The following RBFOX1 variants were observed in gnomAD, a reference collection of about 807,000 sequenced individuals.
The protein encoded by RBFOX1 is RNA binding fox-1 homolog 1, also known as RNA binding protein fox-1 homolog 1.
Under a neutral mutation model 57.7 loss-of-function variants are expected in RBFOX1, and 8 were observed. The ratio of observed to expected loss-of-function variants is 0.14; its 90% CI spans 0.08 to 0.25. The LOEUF (loss-of-function observed/expected upper bound fraction) is 0.25. Ranked by LOEUF, RBFOX1 falls within the 10% of genes least tolerant of loss-of-function variation. RBFOX1 has a pLI of 1.00. For missense variants in RBFOX1, 611 were observed against 548.5 expected, an observed-to-expected ratio of 1.11 and a Z score of -1.14; for synonymous variants, 326 against 222.4, an observed-to-expected ratio of 1.47 and a Z score of -4.15.
chr16:5,460,571 C>G, intron 1 of RBFOX1, among the ~76,000 whole-genome samples: 1 of 152,208 alleles, frequency 6.6e-6, no homozygotes, highest in East Asian at 1.9e-4. Flanking sequence ...TTGTAAAGGA[C>G]TCTTCCCAGA....
intron 2 of RBFOX1, among the ~76,000 whole-genome samples, chr16:5,470,914 C>A (rs558527136): frequency 2.0e-5 from 3 of 152,084 alleles, no homozygotes; most frequent in Admixed American, 2.0e-4. Context: ...TACAGTGGTG[C>A]GATCTCAGCT....
At chr16:7,613,567 TA>T (rs937242666) in intron 10 of RBFOX1, among the ~76,000 whole-genome samples, 1 of 152,148 alleles carries the variant, frequency 6.6e-6, no homozygotes, top group African/African-American at 2.4e-5. Flanking sequence ...AGGGTGGTTA[TA>T]ACACTCTTTG....
chr16:6,799,743 C>A (rs7196625), intron 3 of RBFOX1, among the ~76,000 whole-genome samples: 77,899 of 151,908 alleles, frequency 0.51, 20,177 homozygotes, highest in Non-Finnish European at 0.53. Flanking sequence ...TTGCCCTTGA[C>A]CATCAGCCTC....
intron 14 of RBFOX1, among the ~76,000 whole-genome samples, chr16:7,704,189 C>T (rs1052424119): frequency 6.6e-6 from 1 of 152,170 alleles, no homozygotes; most frequent in Non-Finnish European, 1.5e-5. Flanking sequence ...CCTGAATCTC[C>T]AAGCCCTCGG....
intron 1 of RBFOX1, among the ~76,000 whole-genome samples, chr16:6,088,091 G>T (rs1179522135): frequency 6.6e-6 from 1 of 152,142 alleles, no homozygotes; most frequent in Non-Finnish European, 1.5e-5. Context: ...AGAGAGAAGA[G>T]GTTCACCGTC....
chr16:7,131,377 AAAG>A (rs1208763612), intron 4 of RBFOX1, among the ~76,000 whole-genome samples: 1 of 148,338 alleles, frequency 6.7e-6, no homozygotes, highest in African/African-American at 2.5e-5. Flanking sequence ...AAAAAAAAAA[AAAG>A]AATCATAGGT....
chr16:5,388,089 G>T (rs536296978), intron 1 of RBFOX1, among the ~76,000 whole-genome samples: 1 of 152,302 alleles, frequency 6.6e-6, no homozygotes, highest in South Asian at 2.1e-4. Context: ...CTGACACCTT[G>T]ATTATGGCTC....
At chr16:6,575,302 C>A (rs1332852530) in intron 2 of RBFOX1, among the ~76,000 whole-genome samples, 1 of 152,004 alleles carries the variant, frequency 6.6e-6, no homozygotes, top group Non-Finnish European at 1.5e-5. Flanking sequence ...GTTGTTTGGT[C>A]CTTGTATATT....
chr16:6,219,765 A>G (rs1238711680), intron 1 of RBFOX1, among the ~76,000 whole-genome samples: 1 of 152,090 alleles, frequency 6.6e-6, no homozygotes, highest in Non-Finnish European at 1.5e-5. Context: ...AATCCCAGCT[A>G]CTCAGGAGGC....
chr16:5,416,985 C>G (rs921771068), intron 1 of RBFOX1, among the ~76,000 whole-genome samples: 1 of 152,096 alleles, frequency 6.6e-6, no homozygotes, highest in African/African-American at 2.4e-5. Flanking sequence ...GTGTAAAACC[C>G]AGCCCGCTGA....
chr16:7,435,406 G>A (rs756962556), intron 4 of RBFOX1, among the ~76,000 whole-genome samples: 3 of 151,846 alleles, frequency 2.0e-5, no homozygotes, highest in South Asian at 2.1e-4. Context: ...ATGACTTATC[G>A]CTGTTGATGT....
At chr16:7,389,720 C>T (rs1240667437) in intron 4 of RBFOX1, among the ~76,000 whole-genome samples, 1 of 152,074 alleles carries the variant, frequency 6.6e-6, no homozygotes, top group Non-Finnish European at 1.5e-5. Flanking sequence ...CTTGGTTAGG[C>T]CATGGTATTA....
At chr16:6,614,282 C>G (rs539145240) in intron 2 of RBFOX1, among the ~76,000 whole-genome samples, 1 of 152,114 alleles carries the variant, frequency 6.6e-6, no homozygotes, top group African/African-American at 2.4e-5. Context: ...TAGAAAGAAT[C>G]CCTTCTGAGT....
intron 3 of RBFOX1, among the ~76,000 whole-genome samples, chr16:6,662,258 G>T (rs555943712): frequency 6.6e-6 from 1 of 152,200 alleles, no homozygotes; most frequent in South Asian, 2.1e-4. Flanking sequence ...CTTGAAATGC[G>T]GTAAGAGAGT....
intron 4 of RBFOX1, among the ~76,000 whole-genome samples, chr16:6,013,374 C>G (rs913568932): frequency 6.6e-6 from 1 of 152,126 alleles, no homozygotes; most frequent in Non-Finnish European, 1.5e-5. Flanking sequence ...CCAAAGTGTT[C>G]TTTATATAGG....
chr16:6,862,847 T>C (rs12447108), intron 3 of RBFOX1, among the ~76,000 whole-genome samples: 30,613 of 151,758 alleles, frequency 0.2, 3,266 homozygotes, highest in East Asian at 0.28. Context: ...TAGCCAGTCA[T>C]GGTGGCCGGC....
intron 1 of RBFOX1, among the ~76,000 whole-genome samples, chr16:6,233,430 C>T (rs1490122606): frequency 1.3e-5 from 2 of 152,132 alleles, no homozygotes; most frequent in Admixed American, 6.6e-5. Context: ...CCCACCTCCA[C>T]ACCGCAACCC....
chr16:6,767,614 T>G (rs1291855567), intron 3 of RBFOX1, among the ~76,000 whole-genome samples: 1 of 151,916 alleles, frequency 6.6e-6, no homozygotes, highest in African/African-American at 2.4e-5. Context: ...AAAGAACTCA[T>G]CCCTAAGAAA....
chr16:5,334,267 G>A (rs2064841084), intron 1 of RBFOX1, among the ~76,000 whole-genome samples: 1 of 152,162 alleles, frequency 6.6e-6, no homozygotes, highest in Non-Finnish European at 1.5e-5. Flanking sequence ...GGAGGGGTTT[G>A]GAATGTTTCT....
Sources: gnomAD v4.1 joint callset for allele counts (sites outside exome capture counted in the v4.1 genomes callset) on GRCh38, gnomAD v4.1.1 for gene constraint, MANE v1.5 for transcripts, NCBI Gene and HGNC (gene_info 2026-07-23, HGNC 2026-07-21) for gene names.